The following GRID2 variants were observed in gnomAD, a reference collection of about 807,000 sequenced individuals.
GRID2 encodes the protein glutamate receptor ionotropic, delta-2.
GRID2 carries 33 observed loss-of-function variants against 114.8 expected under a neutral mutation model. The ratio of observed to expected loss-of-function variants is 0.29; its 90% CI spans 0.22 to 0.38. The LOEUF (loss-of-function observed/expected upper bound fraction) is 0.38, where lower values mean the gene tolerates loss of function less well. GRID2 is among the 10% of genes least tolerant of loss of function. The pLI is 1.00. For synonymous variants in GRID2, 505 were observed against 449.9 expected (o/e 1.12, Z -1.55); for missense variants, 1,184 against 1,257.7 (o/e 0.94, Z 0.89).
At chr4:93,145,644 C>CTTTTTTTTTTTTTTTTTTTTTT (rs10605313) in intron 4 of GRID2, among the ~76,000 whole-genome samples, 2 of 45,706 alleles carry the variant, frequency 4.4e-5, no homozygotes, top group East Asian at 7.4e-4. Flanking sequence ...TTCTTTTTTC[C>CTTTTTTTTTTTTTTTTTTTTTT]TTTTTTTTTT....
intron 2 of GRID2, among the ~76,000 whole-genome samples, chr4:92,966,388 T>C (rs1753159430): frequency 6.6e-6 from 1 of 151,892 alleles, no homozygotes; most frequent in Non-Finnish European, 1.5e-5. Flanking sequence ...TGACCTACTT[T>C]TTGGAAGAAA....
chr4:92,755,246 TCTATAC>T (rs1461689288), intron 2 of GRID2, among the ~76,000 whole-genome samples: 1 of 152,222 alleles, frequency 6.6e-6, no homozygotes, highest in African/African-American at 2.4e-5. Context: ...AGATATTTAA[TCTATAC>T]CTATTGTTAT....
intron 10 of GRID2, among the ~76,000 whole-genome samples, chr4:93,453,058 GC>G (rs978333266): frequency 2.7e-4 from 30 of 109,670 alleles, no homozygotes; most frequent in African/African-American, 9.9e-4. Context: ...CCCACAACAG[GC>G]CCCGGTGTGT....
At chr4:92,902,171 A>G (rs540222005) in intron 2 of GRID2, among the ~76,000 whole-genome samples, 1 of 152,232 alleles carries the variant, frequency 6.6e-6, no homozygotes, top group South Asian at 2.1e-4. Context: ...TACATGCTTG[A>G]AAAGTTACAT....
chr4:93,379,418 C>T (rs1180397866), intron 8 of GRID2, among the ~76,000 whole-genome samples: 1 of 152,042 alleles, frequency 6.6e-6, no homozygotes, highest in Non-Finnish European at 1.5e-5. Context: ...CTAGCTTATG[C>T]TGTCCCTTCC....
At chr4:92,945,556 A>G (rs947216110) in intron 2 of GRID2, among the ~76,000 whole-genome samples, 23 of 152,182 alleles carry the variant, frequency 1.5e-4, no homozygotes, top group African/African-American at 4.8e-4. Flanking sequence ...TACAATTGTG[A>G]TAATTGTTAT....
rs539371138 is a variant in GRID2, at chr4:93,426,518, A to C, written c.1545+3550A>C. On this transcript the variant is annotated intron_variant, in intron 10 of 15. Coordinates refer to ENST00000282020, the MANE Select transcript of GRID2 (RefSeq NM_001510.4). ...AAACATAAAAAGCATTCAAATTAGTATGTTGATGTTGTTTTTAATTTGTTT... is the reference window on the plus strand; with the variant it reads ...AAACATAAAAAGCATTCAAATTAGTCTGTTGATGTTGTTTTTAATTTGTTT... Among the ~76,000 whole-genome samples, 15 of 152,276 alleles carry C rather than the reference A, an allele frequency of 9.9e-5. No homozygotes were observed. The East Asian group carries it at 2.9e-3, about 29-fold the overall frequency.
chr4:93,366,568 C>G (rs1762357710), intron 8 of GRID2, among the ~76,000 whole-genome samples: 1 of 152,084 alleles, frequency 6.6e-6, no homozygotes, highest in African/African-American at 2.4e-5. Context: ...TGCCCTGCCT[C>G]CGCTTGCCTT....
At chr4:92,933,473 A>G (rs1210067323) in intron 2 of GRID2, among the ~76,000 whole-genome samples, 2 of 151,540 alleles carry the variant, frequency 1.3e-5, no homozygotes, top group Non-Finnish European at 3.0e-5. Context: ...CACTGTGTCT[A>G]TTTCCAAGGG....
At chr4:93,556,916 G>A (rs544505911) in intron 13 of GRID2, among the ~76,000 whole-genome samples, 1 of 152,314 alleles carries the variant, frequency 6.6e-6, no homozygotes, top group East Asian at 1.9e-4. Context: ...CTACCAGCCA[G>A]AAGAGAGTGG....
intron 14 of GRID2, among the ~76,000 whole-genome samples, chr4:93,654,033 A>C (rs1164970243): frequency 1.3e-5 from 2 of 152,178 alleles, no homozygotes; most frequent in African/African-American, 4.8e-5. Context: ...ATTGCCAGTC[A>C]AGGTTTTTCT....
chr4:93,477,138 ATG>A (rs1312353604), intron 11 of GRID2, among the ~76,000 whole-genome samples: 2 of 152,066 alleles, frequency 1.3e-5, no homozygotes, highest in East Asian at 1.9e-4. Context: ...GGGCAAGAGA[ATG>A]TGAGAGAGCC....
chr4:92,937,388 C>T (rs1750751512), intron 2 of GRID2, among the ~76,000 whole-genome samples: 1 of 146,516 alleles, frequency 6.8e-6, no homozygotes, highest in African/African-American at 2.4e-5. Context: ...AGGAGTCCAA[C>T]TTCATTCTTC....
intron 2 of GRID2, among the ~76,000 whole-genome samples, chr4:92,966,369 C>A (rs1753157233): frequency 6.6e-6 from 1 of 151,916 alleles, no homozygotes; most frequent in African/African-American, 2.4e-5. Flanking sequence ...ACAAAAAGGA[C>A]AAAGCCCTTG....
At chr4:92,850,084 C>T (rs994965584) in intron 2 of GRID2, among the ~76,000 whole-genome samples, 5 of 151,058 alleles carry the variant, frequency 3.3e-5, no homozygotes, top group Admixed American at 1.3e-4. Context: ...ATATTTCATA[C>T]AAATATTCAA....
chr4:93,525,559 A>G (rs1578189391), intron 13 of GRID2, among the ~76,000 whole-genome samples: 1 of 152,226 alleles, frequency 6.6e-6, no homozygotes, highest in Non-Finnish European at 1.5e-5. Context: ...TGTGAAGAAT[A>G]GAGAGCCACT....
rs367840874 is a variant in GRID2 at position 93,252,372 on chromosome 4, C to T, written c.1245+13882C>T. ...TGGTTAGGTTTGTCAAAGATCAGATCGTTGTAGGTATATGGTCTTATTTCT... is the reference window on the plus strand; with the variant it reads ...TGGTTAGGTTTGTCAAAGATCAGATTGTTGTAGGTATATGGTCTTATTTCT... On this transcript the variant is annotated intron_variant, in intron 8 of 15. Transcript: ENST00000282020. 3.6e-3 allele frequency among the ~76,000 whole-genome samples: 413 copies of T among 115,536 alleles called. 1 individual carries two copies. Among genetic ancestry groups the T allele is most frequent in the African/African-American group, 8.9e-3 (260 of 29,318 alleles). The allele number at this position is 115,536 out of a possible 152,430, so 75.8% of individuals were successfully genotyped here.
At chr4:93,396,436 G>A (rs1405193793) in intron 9 of GRID2, among the ~76,000 whole-genome samples, 4 of 151,954 alleles carry the variant, frequency 2.6e-5, no homozygotes, top group Non-Finnish European at 5.9e-5. Flanking sequence ...AGGGCTTATA[G>A]GTTATAGAGT....
intron 14 of GRID2, among the ~76,000 whole-genome samples, chr4:93,718,854 C>A (rs1003051510): frequency 1.3e-5 from 2 of 152,172 alleles, no homozygotes; most frequent in African/African-American, 4.8e-5. Context: ...CAAGAACATT[C>A]TTTCTCTTCT....
Sources: allele counts gnomAD v4.1 joint callset (sites outside exome capture counted in the v4.1 genomes callset), GRCh38; gene constraint gnomAD v4.1.1; transcripts MANE v1.5; gene names NCBI Gene and HGNC (gene_info 2026-07-23, HGNC 2026-07-21).